AP3B2: variants seen among roughly 807,000 people sequenced by gnomAD.
AP3B2 encodes adaptor related protein complex 3 subunit beta 2.
AP3B2 carries 50 observed loss-of-function variants against 126.9 expected under a neutral mutation model. That is an observed-to-expected ratio of 0.39 (90% CI 0.31 to 0.50). The LOEUF is 0.50. Among genes scored for constraint, AP3B2 ranks in the 20% least tolerant of loss-of-function variants. AP3B2 has a pLI of 0.79. For synonymous variants in AP3B2, 541 were observed against 565.0 expected (o/e 0.96, Z 0.60); for missense variants, 1,177 against 1,426.4 (o/e 0.83, Z 2.82).
At chr15:82,707,642 C>T (rs572513987) in intron 1 of AP3B2, among the ~76,000 whole-genome samples, 1 of 152,332 alleles carries the variant, frequency 6.6e-6, no homozygotes, top group South Asian at 2.1e-4. Context: ...GCTGGCAGGG[C>T]TATGCTGAAC....
At chr15:82,692,106 C>G (rs1390629817) in intron 1 of AP3B2, 9 of 1,496,160 alleles carry the variant, frequency 6.0e-6, no homozygotes, top group African/African-American at 1.4e-5. Context: ...GCCACCCACC[C>G]CGACTTCGTA....
At position 82,691,701 on chromosome 15, in the gene AP3B2, G is replaced by GA. The variant is rs2048536630; in HGVS notation, c.114-2249dup. On this transcript the variant is annotated intron_variant, in intron 1 of 26. Transcript: ENST00000535359. ...CAGCTCAGTTAACCTAAAAAATAAA[G>GA]AAAAAATTCCCATCACCTGTCTCAG... 5.4e-6 allele frequency: 8 copies of GA among 1,476,026 alleles called. No individual in the cohort carries two copies. In the Admixed American group the frequency reaches 6.9e-5, roughly 13 times the overall value. The allele number at this position is 1,476,026 out of a possible 1,614,324, so 91.4% of individuals were successfully genotyped here.
At chr15:82,699,362 A>G (rs2048682391) in intron 1 of AP3B2, 1 of 293,638 alleles carries the variant, frequency 3.4e-6, no homozygotes, top group Non-Finnish European at 6.3e-6. Flanking sequence ...GGGGAGAAAG[A>G]GGTCAAGGTG....
chr15:82,688,455 G>A (rs2048469005), intron 4 of AP3B2: 1 of 702,166 alleles, frequency 1.4e-6, no homozygotes, highest in African/African-American at 1.7e-5. Context: ...CACTCTCCGG[G>A]GGCTCAAGTG....
At chr15:82,693,251 C>CT (rs34952641) in intron 1 of AP3B2, among the ~76,000 whole-genome samples, 2,619 of 118,520 alleles carry the variant, frequency 0.022, 30 homozygotes, top group Non-Finnish European at 0.031. Flanking sequence ...CTTTGCAGCA[C>CT]TTTTTTTTTT....
intron 2 of AP3B2, 35 bp downstream of exon 2, chr15:82,689,343 C>T (rs1409583820): frequency 1.9e-6 from 3 of 1,612,660 alleles, no homozygotes; most frequent in Admixed American, 3.3e-5. Flanking sequence ...CACCCAGGCC[C>T]CGCCCGGAGG....
At chr15:82,677,606 C>T (rs556716161) in intron 12 of AP3B2, 65 bp downstream of exon 12, 3 of 1,481,288 alleles carry the variant, frequency 2.0e-6, no homozygotes, top group Non-Finnish European at 2.7e-6. Flanking sequence ...CAGTGGCCAG[C>T]AGAGTCAGAC....
At chr15:82,663,533 C>G (rs766539461) in intron 21 of AP3B2, 27 bp downstream of exon 21, 47 of 1,611,382 alleles carry the variant, frequency 2.9e-5, no homozygotes, top group Admixed American at 1.7e-4. Flanking sequence ...CCTCCTTTCC[C>G]CTGTGACTTT....
Position 82,680,278 on chromosome 15 carries a change from G to A in AP3B2, c.1056-49C>T, listed in dbSNP as rs568326669. ...ACCCCGGGCCCCTCGGTTGGGGCAAGGGTCAGCGGATGAGGGGAAAAGGTG... is the reference window on the plus strand; with the variant it reads ...ACCCCGGGCCCCTCGGTTGGGGCAAAGGTCAGCGGATGAGGGGAAAAGGTG... On this transcript the variant is annotated intron_variant, in intron 8 of 26. Transcript: ENST00000535359. The surrounding 1 kb of genome is among the most constrained non-coding windows in gnomAD (Gnocchi z 6.1). The A allele has an allele frequency of 6.2e-7, 1 of 1,612,084 alleles. No individual in the cohort carries two copies. The highest frequency in any genetic ancestry group is 1.1e-5 in the South Asian group (1 of 90,972).
chr15:82,666,868 G>A lies in AP3B2; in HGVS notation c.1731C>T (p.Asp577=), dbSNP rs577851289. 1.1e-5 allele frequency: 17 copies of A among 1,614,040 alleles called. No individual in the cohort carries two copies. The South Asian group carries it at 1.2e-4, about 11-fold the overall frequency. ...AKYDQNYDIR[D]RARFTRQLIV... ...TGAGCTGCCGGGTGAAGCGCGCCCG[G>A]TCGCGAATATCATAGTTCTGGTCAT... is the stretch of plus-strand genomic sequence containing the variant. Residue 577 remains aspartate (D), a synonymous_variant, in exon 15 of 27, where the codon GAC becomes GAT. Coordinates refer to ENST00000535359, the MANE Select transcript of AP3B2 (RefSeq NM_001278512.2).
chr15:82,688,652 T>C (rs1567269798), intron 4 of AP3B2, 84 bp downstream of exon 4: 2 of 1,320,566 alleles, frequency 1.5e-6, no homozygotes, highest in Non-Finnish European at 2.1e-6. Context: ...CCCGCTCCCA[T>C]GCTCATGGCC....
At position 82,663,943 on chromosome 15, in the gene AP3B2, G is replaced by A. The variant is rs201139539; in HGVS notation, c.2294C>T (p.Thr765Ile). The A allele has an allele frequency of 1.9e-6, 3 of 1,607,914 alleles. No individual in the cohort carries two copies. Among genetic ancestry groups the A allele is most frequent in the East Asian group, 4.5e-5 (2 of 44,878 alleles). The change falls in exon 20 of 27, where the codon ACA becomes ATA. Residue 765 changes from threonine to isoleucine, a missense_variant. Transcript: ENST00000535359. Reference sequence around the variant, plus strand: ...TTTTCTCTCTGGCACCTTCTTCTTTGTCTTCCTCTTACCATCCTCCTCACT... The same window carrying A: ...TTTTCTCTCTGGCACCTTCTTCTTTATCTTCCTCTTACCATCCTCCTCACT... Reference protein sequence around the residue: ...EQSEEDGKRKTKKKVPERKGE... With the variant: ...EQSEEDGKRKIKKKVPERKGE...
chr15:82,659,389 T>TGGGGAGGGCATTA lies in AP3B2; in HGVS notation c.*158_*170dup. 1 of 738,760 alleles carries TGGGGAGGGCATTA rather than the reference T, an allele frequency of 1.4e-6. No homozygotes were observed. Among genetic ancestry groups the TGGGGAGGGCATTA allele is most frequent in the Admixed American group, 2.7e-5 (1 of 36,770 alleles). 45.8% of individuals were successfully genotyped at this position (738,760 alleles called of 1,614,324 possible). A position where few individuals can be genotyped will look rare whatever the true frequency, so the allele number is the denominator to read the frequency against. On this transcript the variant is annotated 3_prime_UTR_variant, in exon 27 of 27. Coordinates refer to ENST00000535359, the MANE Select transcript of AP3B2 (RefSeq NM_001278512.2). ...TCTGCACAGATCACTAAGGAATCCATGGGGAGGGCATTAGGGGAGGGCTTG... is the reference window on the plus strand; with the variant it reads ...TCTGCACAGATCACTAAGGAATCCATGGGGAGGGCATTAGGGGAGGGCATTAGGGGAGGGCTTG...
At chr15:82,707,983 A>C (rs2048823411) in intron 1 of AP3B2, among the ~76,000 whole-genome samples, 1 of 151,942 alleles carries the variant, frequency 6.6e-6, no homozygotes, top group Non-Finnish European at 1.5e-5. Flanking sequence ...ACACTTCAAC[A>C]CTATTTTATG....
chr15:82,662,235 C>G lies in AP3B2; in HGVS notation c.2851G>C (p.Glu951Gln). Residue 951 changes from glutamate to glutamine, a missense_variant, in exon 24 of 27, where the codon GAA becomes CAA. Physicochemically the swap from Glu to Gln is conservative, Grantham distance 29 (BLOSUM62 2). Transcript: ENST00000535359. ...ATGCCCATTACAGCAGTGGCAGATT[C>G]TCCAGGTGCCAGGGACTCTGAAGTG... ...FPEIESLAPG[E>Q]SATAVMGINF... The G allele has an allele frequency of 2.5e-6, 4 of 1,599,306 alleles. No homozygotes were observed. Among genetic ancestry groups the G allele is most frequent in the Middle Eastern group, 1.7e-4 (1 of 6,038 alleles).
Position 82,664,620 on chromosome 15 carries a change from A to G in AP3B2, c.2138-130T>C, listed in dbSNP as rs572521545. The G allele has an allele frequency of 3.2e-6, 4 of 1,253,656 alleles. No homozygotes were observed. The highest frequency in any genetic ancestry group is 4.4e-6 in the Non-Finnish European group (4 of 903,176). 77.7% of individuals were successfully genotyped at this position (1,253,656 alleles called of 1,614,324 possible). A position where few individuals can be genotyped will look rare whatever the true frequency, so the allele number is the denominator to read the frequency against. ...CTCTCTGACCTGCCCCCAGCCCTACATGCCAGCTGGAACTGACAGAAACAC... is the reference window on the plus strand; with the variant it reads ...CTCTCTGACCTGCCCCCAGCCCTACGTGCCAGCTGGAACTGACAGAAACAC... On this transcript the variant is annotated intron_variant, in intron 18 of 26. Transcript: ENST00000535359. The surrounding 1 kb of genome is among the most constrained non-coding windows in gnomAD (Gnocchi z 4.5).
chr15:82,663,483 C>A, intron 21 of AP3B2, 77 bp downstream of exon 21: 1 of 1,506,690 alleles, frequency 6.6e-7, no homozygotes, highest in Admixed American at 1.7e-5. Context: ...GGAACCCGAT[C>A]CAGAGTCCCT....
intron 4 of AP3B2, chr15:82,688,425 C>T: frequency 1.4e-6 from 1 of 702,116 alleles, no homozygotes; most frequent in East Asian, 2.7e-5. Context: ...TTGAGGGGTT[C>T]TCCATTGCTA....
intron 4 of AP3B2, chr15:82,685,596 C>T (rs2048412793): frequency 6.6e-6 from 1 of 152,210 alleles, no homozygotes; most frequent in Admixed American, 6.5e-5. Flanking sequence ...CAAATAGTCA[C>T]ATCATCTGCT....
Sources: gnomAD v4.1 joint callset for allele counts (sites outside exome capture counted in the v4.1 genomes callset) on GRCh38, gnomAD v4.1.1 for gene constraint, Gnocchi (gnomAD v3.1) non-coding constraint, MANE v1.5 for transcripts, NCBI Gene and HGNC (gene_info 2026-07-23, HGNC 2026-07-21) for gene names.